STAG1: variants seen among roughly 807,000 people sequenced by gnomAD.
STAG1 encodes the protein STAG1 cohesin complex component.
In STAG1, 26 loss-of-function variants were observed where a neutral mutation model predicts 170.9. That is an observed-to-expected ratio of 0.15 (90% confidence interval 0.11 to 0.21). The LOEUF is 0.21. STAG1 is among the 10% of genes least tolerant of loss of function. The pLI, the probability that STAG1 is intolerant of heterozygous loss-of-function variation, is 1.00. For missense variants in STAG1, 964 were observed against 1,509.5 expected, an observed-to-expected ratio of 0.64 and a Z score of 5.99; for synonymous variants, 514 against 497.7, an observed-to-expected ratio of 1.03 and a Z score of -0.44.
chr3:136,427,423 T>C (rs900485950), intron 16 of STAG1, among the ~76,000 whole-genome samples: 4 of 152,150 alleles, frequency 2.6e-5, no homozygotes, highest in Admixed American at 2.0e-4. Flanking sequence ...GAATTGTGTA[T>C]CATAGTCAAA....
intron 9 of STAG1, among the ~76,000 whole-genome samples, chr3:136,484,187 G>GT (rs2089951080): frequency 6.6e-6 from 1 of 150,900 alleles, no homozygotes; most frequent in African/African-American, 2.4e-5. Context: ...TTTCTGTTCT[G>GT]TTTTTTCCCC....
At chr3:136,442,084 G>C (rs2088651083) in intron 15 of STAG1, among the ~76,000 whole-genome samples, 1 of 152,166 alleles carries the variant, frequency 6.6e-6, no homozygotes, top group Non-Finnish European at 1.5e-5. Flanking sequence ...TGCAGTCCCA[G>C]CTACTCAGGA....
intron 13 of STAG1, 76 bp from the exon 14 acceptor site, chr3:136,452,223 C>G (rs1274899178): frequency 6.8e-6 from 6 of 876,536 alleles, no homozygotes; most frequent in Non-Finnish European, 9.5e-6. Context: ...CAAATCATTT[C>G]AGTGTTTAAC....
intron 1 of STAG1, among the ~76,000 whole-genome samples, chr3:136,729,155 G>A (rs1215944463): frequency 6.6e-6 from 1 of 152,004 alleles, no homozygotes; most frequent in African/African-American, 2.4e-5. Flanking sequence ...TAATTTGCGT[G>A]TGTGTGGTTT....
intron 14 of STAG1, among the ~76,000 whole-genome samples, chr3:136,448,489 G>C (rs925200588): frequency 2.0e-5 from 3 of 152,192 alleles, no homozygotes; most frequent in Non-Finnish European, 2.9e-5. Context: ...CAGATCTCGT[G>C]AGACTTACTA....
chr3:136,492,568 T>C (rs2107847118), intron 9 of STAG1, among the ~76,000 whole-genome samples: 1 of 152,282 alleles, frequency 6.6e-6, no homozygotes, highest in Middle Eastern at 3.4e-3. Context: ...TTTTTAGATG[T>C]TGGATTATCA....
chr3:136,596,027 T>G (rs1043960992), intron 4 of STAG1, among the ~76,000 whole-genome samples: 2 of 152,216 alleles, frequency 1.3e-5, no homozygotes, highest in Admixed American at 1.3e-4. Flanking sequence ...AAACGTCTTC[T>G]GCTACTGCCT....
chr3:136,583,965 T>C (rs1441674151), intron 4 of STAG1, among the ~76,000 whole-genome samples: 1 of 152,154 alleles, frequency 6.6e-6, no homozygotes, highest in Non-Finnish European at 1.5e-5. Context: ...CACTGTAAAA[T>C]ACCTGGGGAT....
At chr3:136,559,095 A>T (rs1559878432) in intron 5 of STAG1, among the ~76,000 whole-genome samples, 1 of 151,470 alleles carries the variant, frequency 6.6e-6, no homozygotes, top group Admixed American at 6.6e-5. Context: ...CACAATTTAA[A>T]AGGATTTAAG....
intron 4 of STAG1, among the ~76,000 whole-genome samples, chr3:136,584,952 G>A (rs913122133): frequency 1.3e-5 from 2 of 152,196 alleles, no homozygotes; most frequent in Non-Finnish European, 2.9e-5. Flanking sequence ...ACTGAAAGGA[G>A]TTCCTGGAAT....
chr3:136,650,236 GAA>G (rs574918766), intron 1 of STAG1, among the ~76,000 whole-genome samples: 4 of 59,998 alleles, frequency 6.7e-5, no homozygotes, highest in Non-Finnish European at 7.5e-5. Context: ...ACCCTGTCAA[GAA>G]AAAAAAAAAA....
At position 136,377,808 on chromosome 3, in the gene STAG1, C is replaced by G. The variant is rs547720906; in HGVS notation, c.2278-56G>C. ...AATTACAGGATCACAGAAAACTGAT[C>G]TAGAAGAAACAGTAAGTGGAAAATA... On this transcript the variant is annotated intron_variant, in intron 22 of 33. Transcript: ENST00000383202. 1.1e-5 allele frequency: 16 copies of G among 1,423,020 alleles called. No homozygotes were observed. In the East Asian group the frequency reaches 3.6e-4, roughly 32 times the overall value. The allele number at this position is 1,423,020 out of a possible 1,614,324, so 88.1% of individuals were successfully genotyped here.
chr3:136,511,692 T>C (rs750111589), intron 7 of STAG1, among the ~76,000 whole-genome samples: 2 of 152,184 alleles, frequency 1.3e-5, no homozygotes, highest in Non-Finnish European at 1.5e-5. Context: ...ATGTAACTAA[T>C]GGGTACTAGG....
At chr3:136,501,718 TAATC>T (rs775010654) in intron 8 of STAG1, among the ~76,000 whole-genome samples, 14 of 152,212 alleles carry the variant, frequency 9.2e-5, no homozygotes, top group Non-Finnish European at 1.6e-4. Context: ...GTATGGCTAA[TAATC>T]AAAACATCGT....
intron 22 of STAG1, among the ~76,000 whole-genome samples, chr3:136,379,484 A>T (rs1012576860): frequency 4.6e-5 from 7 of 152,162 alleles, no homozygotes; most frequent in Non-Finnish European, 1.0e-4. Context: ...TGAGACGGCC[A>T]GATCACCTGA....
Position 136,477,281 on chromosome 3 carries a change from T to A in STAG1, c.1026+8A>T. On this transcript the variant is annotated splice_region_variant and intron_variant, in intron 10 of 33. Coordinates refer to ENST00000383202, the MANE Select transcript of STAG1 (RefSeq NM_005862.3). ...ACTTCCATCAAAGCTTAGAACAGAGTAACTTACCCTGTCATGAAGAGTCCA... is the reference window on the plus strand; with the variant it reads ...ACTTCCATCAAAGCTTAGAACAGAGAAACTTACCCTGTCATGAAGAGTCCA... 1 of 1,607,688 alleles carries A rather than the reference T, an allele frequency of 6.2e-7. No individual in the cohort carries two copies. The highest frequency in any genetic ancestry group is 8.5e-7 in the Non-Finnish European group (1 of 1,177,562).
At chr3:136,545,392 C>T (rs1218992709) in intron 5 of STAG1, among the ~76,000 whole-genome samples, 1 of 152,038 alleles carries the variant, frequency 6.6e-6, no homozygotes, top group East Asian at 1.9e-4. Context: ...TTTTATATAA[C>T]CTAGCCTGAT....
intron 3 of STAG1, among the ~76,000 whole-genome samples, chr3:136,621,482 G>C (rs1361275273): frequency 6.6e-6 from 1 of 152,148 alleles, no homozygotes; most frequent in Non-Finnish European, 1.5e-5. Context: ...AACTAGAATA[G>C]TCAACAGCTT....
At chr3:136,657,569 C>G (rs1941431131) in intron 1 of STAG1, among the ~76,000 whole-genome samples, 1 of 152,136 alleles carries the variant, frequency 6.6e-6, no homozygotes. Context: ...CGCCTGTAAT[C>G]CAAACATTTT....
Sources: gnomAD v4.1 joint callset for allele counts (sites outside exome capture counted in the v4.1 genomes callset) on GRCh38, gnomAD v4.1.1 for gene constraint, MANE v1.5 for transcripts, NCBI Gene and HGNC (gene_info 2026-07-23, HGNC 2026-07-21) for gene names.